The following SP3 variants were observed in gnomAD, a reference collection of about 807,000 sequenced individuals.
SP3 encodes transcription factor Sp3.
Under a neutral mutation model 70.3 loss-of-function variants are expected in SP3, and 10 were observed. The ratio of observed to expected loss-of-function variants is 0.14; its 90% CI spans 0.09 to 0.24. The LOEUF (loss-of-function observed/expected upper bound fraction) is 0.24, where lower values mean the gene tolerates loss of function less well. SP3 is among the 10% of genes least tolerant of loss of function. SP3 has a pLI of 1.00. For missense variants in SP3, 825 were observed against 914.6 expected (o/e 0.90, Z 1.26); for synonymous variants, 402 against 333.5 (o/e 1.21, Z -2.24).
chr2:173,923,120 C>T (rs958731789), intron 4 of SP3, among the ~76,000 whole-genome samples: 1 of 152,118 alleles, frequency 6.6e-6, no homozygotes, highest in Non-Finnish European at 1.5e-5. Context: ...GTGTATGACA[C>T]ATTTAAGAAC....
At chr2:173,926,754 T>C (rs1023252830) in intron 4 of SP3, among the ~76,000 whole-genome samples, 21 of 152,318 alleles carry the variant, frequency 1.4e-4, no homozygotes, top group African/African-American at 5.1e-4. Flanking sequence ...GTCATTCCAA[T>C]TGCATATTGC....
chr2:173,943,536 G>GC (rs1690440946), intron 4 of SP3, among the ~76,000 whole-genome samples: 1 of 151,890 alleles, frequency 6.6e-6, no homozygotes, highest in Admixed American at 6.6e-5. Context: ...TCACTATGTT[G>GC]CCCAGGCTGG....
intron 1 of SP3, 162 bp from the exon 2 acceptor site, chr2:173,964,715 CCCCTCCTG>C: frequency 2.6e-6 from 1 of 390,036 alleles, no homozygotes; most frequent in East Asian, 4.1e-5. Context: ...GCTCCCTCCT[CCCCTCCTG>C]CTGCTGCCCC....
In SP3 at chr2:173,904,551, C is replaced by T. The variant is rs901518810; in HGVS notation, c.*5390G>A. On this transcript the variant is annotated 3_prime_UTR_variant, in exon 7 of 7. Coordinates refer to ENST00000310015, the MANE Select transcript of SP3 (RefSeq NM_003111.5). ...TATCAGGAATCAAGAAAGCCATTTT[C>T]TTTTTCTTCTGGGGTTGAATGTCAT... Among the ~76,000 whole-genome samples, 1 of 152,174 alleles carries T rather than the reference C, an allele frequency of 6.6e-6. No individual in the cohort carries two copies. The highest frequency in any genetic ancestry group is 1.5e-5 in the Non-Finnish European group (1 of 68,016).
intron 6 of SP3, among the ~76,000 whole-genome samples, chr2:173,910,747 C>T (rs776284377): frequency 6.6e-6 from 1 of 152,140 alleles, no homozygotes; most frequent in Non-Finnish European, 1.5e-5. Flanking sequence ...AGCTTGAGAT[C>T]CAAAAAGAAT....
chr2:173,941,293 C>CTTT (rs1426781330), intron 4 of SP3, among the ~76,000 whole-genome samples: 1 of 152,174 alleles, frequency 6.6e-6, no homozygotes, highest in Admixed American at 6.5e-5. Flanking sequence ...TCTCTCTCAT[C>CTTT]TTATGTACCC....
rs1689350859 is a variant in SP3, at chr2:173,907,156, TTAAAA to T, written c.*2780_*2784del. On this transcript the variant is annotated 3_prime_UTR_variant, in exon 7 of 7. Transcript: ENST00000310015. ...GCTCTTTAAGTGATACTTTCTTAAA[TTAAAA>T]TTTGAGGTATACAGATAATCGCGTC... 6.6e-6 allele frequency: 1 copy of T among 152,164 alleles called. No individual in the cohort carries two copies. Among genetic ancestry groups the T allele is most frequent in the South Asian group, 2.1e-4 (1 of 4,834 alleles). 9.4% of individuals were successfully genotyped at this position (152,164 alleles called of 1,614,324 possible). A position where few individuals can be genotyped will look rare whatever the true frequency, so the allele number is the denominator to read the frequency against.
chr2:173,962,338 C>T (rs910911534), intron 3 of SP3, among the ~76,000 whole-genome samples: 2 of 152,086 alleles, frequency 1.3e-5, no homozygotes, highest in Admixed American at 6.5e-5. Flanking sequence ...TCAGGAGAAG[C>T]AATCTGCTTT....
chr2:173,964,260 C>A (rs1464760694), intron 2 of SP3, 145 bp downstream of exon 2: 2 of 484,488 alleles, frequency 4.1e-6, no homozygotes, highest in Admixed American at 9.3e-5. Flanking sequence ...GCGCCTCGGG[C>A]GGGCAGCTCC....
At chr2:173,933,923 A>G (rs972966502) in intron 4 of SP3, among the ~76,000 whole-genome samples, 67 of 152,142 alleles carry the variant, frequency 4.4e-4, no homozygotes, top group African/African-American at 1.6e-3. Context: ...TGAAGATTTA[A>G]TAAAAGCAAA....
At chr2:173,919,836 TCAAA>T (rs754804387) in intron 4 of SP3, among the ~76,000 whole-genome samples, 1 of 151,988 alleles carries the variant, frequency 6.6e-6, no homozygotes, top group Non-Finnish European at 1.5e-5. Context: ...ACCCTATAGC[TCAAA>T]CAATTTCCCC....
Position 173,910,100 on chromosome 2 carries a change from A to G in SP3, c.2187T>C (p.Thr729=), listed in dbSNP as rs747326757. 1.9e-6 allele frequency: 3 copies of G among 1,612,310 alleles called. No individual in the cohort carries two copies. Among genetic ancestry groups the G allele is most frequent in the Non-Finnish European group, 2.5e-6 (3 of 1,178,664 alleles). Reference sequence around the variant, plus strand: ...CAAGGATAAGCGTTGTTCCTCCTGCAGTAATCAAAGTATCATCTCGCGCAG... The same window carrying G: ...CAAGGATAAGCGTTGTTCCTCCTGCGGTAATCAAAGTATCATCTCGCGCAG... ...VEAARDDTLI[T]AGGTTLILAN... The change falls in exon 7 of 7, where the codon ACT becomes ACC. Residue 729 remains threonine (T), a synonymous_variant. Transcript: ENST00000310015.
Position 173,963,765 on chromosome 2 carries a change from C to G in SP3, c.275G>C (p.Gly92Ala). ...CGGGCCGCGCGCGGGACTTACCGCT[C>G]CGGCGGCGGCGGGGGCCCCGGCTGC... ...AAAAGAPAAA[G>A]ATGDLASAQL... Residue 92 changes from glycine to alanine, a missense_variant, in exon 3 of 7, where the codon GGA becomes GCA. Coordinates refer to ENST00000310015, the MANE Select transcript of SP3 (RefSeq NM_003111.5). The G allele has an allele frequency of 7.9e-7, 1 of 1,268,224 alleles. No individual in the cohort carries two copies. Among genetic ancestry groups the G allele is most frequent in the Non-Finnish European group, 1.0e-6 (1 of 988,906 alleles). The allele number at this position is 1,268,224 out of a possible 1,614,324, so 78.6% of individuals were successfully genotyped here.
intron 4 of SP3, among the ~76,000 whole-genome samples, chr2:173,920,276 G>A (rs1164929122): frequency 6.6e-6 from 1 of 152,102 alleles, no homozygotes; most frequent in African/African-American, 2.4e-5. Context: ...TAAAGGGGAG[G>A]GAGGGATGAA....
At chr2:173,930,770 T>C (rs1690045317) in intron 4 of SP3, among the ~76,000 whole-genome samples, 2 of 152,234 alleles carry the variant, frequency 1.3e-5, no homozygotes, top group Non-Finnish European at 2.9e-5. Context: ...TGTTAGAGCA[T>C]ACTATTCCTT....
chr2:173,953,795 A>AC (rs1690793918), intron 4 of SP3, among the ~76,000 whole-genome samples: 1 of 149,402 alleles, frequency 6.7e-6, no homozygotes, highest in African/African-American at 2.4e-5. Flanking sequence ...AAAAAAAAAA[A>AC]CAACTACTGC....
Position 173,902,090 on chromosome 2 carries a change from TGAGA to T in SP3, c.*7847_*7850del, listed in dbSNP as rs376037807. Among the ~76,000 whole-genome samples the T allele has an allele frequency of 6.4e-4, 97 of 152,348 alleles. 3 individuals are homozygous for T. In the East Asian group the frequency reaches 0.014, roughly 22 times the overall value. ...CTACCACACCTGGGCAGGGCTTGACTGAGAGATAGAAGGTGGAACCAGTGAGAAA... is the reference window on the plus strand; with the variant it reads ...CTACCACACCTGGGCAGGGCTTGACTGATAGAAGGTGGAACCAGTGAGAAA... On this transcript the variant is annotated 3_prime_UTR_variant, in exon 7 of 7. Coordinates refer to ENST00000310015, the MANE Select transcript of SP3 (RefSeq NM_003111.5).
chr2:173,962,198 T>G (rs1376648622), intron 3 of SP3, among the ~76,000 whole-genome samples: 1 of 152,182 alleles, frequency 6.6e-6, no homozygotes, highest in Admixed American at 6.5e-5. Context: ...GACTCACATA[T>G]GTATGTACAT....
chr2:173,946,681 C>T (rs1006553522), intron 4 of SP3, among the ~76,000 whole-genome samples: 1 of 150,924 alleles, frequency 6.6e-6, no homozygotes, highest in South Asian at 2.1e-4. Flanking sequence ...TGTTACTCCA[C>T]GATCTTCTGA....
Sources: allele counts gnomAD v4.1 joint callset (sites outside exome capture counted in the v4.1 genomes callset), GRCh38; gene constraint gnomAD v4.1.1; transcripts MANE v1.5; gene names NCBI Gene and HGNC (gene_info 2026-07-23, HGNC 2026-07-21).